OSBPL8: variants seen among roughly 807,000 people sequenced by gnomAD.
OSBPL8 encodes oxysterol binding protein like 8, also known as oxysterol-binding protein-related protein 8.
Under a neutral mutation model 125.5 loss-of-function variants are expected in OSBPL8, and 59 were observed. That is an observed-to-expected ratio of 0.47 (90% CI 0.38 to 0.58). The LOEUF (loss-of-function observed/expected upper bound fraction) is 0.58, where lower values mean the gene tolerates loss of function less well. OSBPL8 is among the 20% of genes least tolerant of loss of function. The pLI, the probability that OSBPL8 is intolerant of heterozygous loss-of-function variation, is 0.00. For missense variants in OSBPL8, 758 were observed against 1,047.8 expected, an observed-to-expected ratio of 0.72 and a Z score of 3.82; for synonymous variants, 330 against 338.9, an observed-to-expected ratio of 0.97 and a Z score of 0.29.
chr12:76,508,897 G>T (rs1206053905), intron 1 of OSBPL8, among the ~76,000 whole-genome samples: 1 of 152,170 alleles, frequency 6.6e-6, no homozygotes, highest in Non-Finnish European at 1.5e-5. Context: ...ATATAATCAA[G>T]AAGTAACAAT....
At chr12:76,512,431 T>C (rs73385534) in intron 1 of OSBPL8, among the ~76,000 whole-genome samples, 26,791 of 152,210 alleles carry the variant, frequency 0.18, 2,516 homozygotes, top group Middle Eastern at 0.24. Flanking sequence ...GCACAATTTA[T>C]TGAATATAAA....
chr12:76,397,170 GCC>G (rs1324638875), intron 8 of OSBPL8, among the ~76,000 whole-genome samples: 1 of 146,268 alleles, frequency 6.8e-6, no homozygotes, highest in South Asian at 2.2e-4. Flanking sequence ...AAAGAAACCT[GCC>G]TCTTTCTCAA....
intron 4 of OSBPL8, among the ~76,000 whole-genome samples, chr12:76,449,692 T>G (rs987721740): frequency 6.6e-6 from 1 of 152,202 alleles, no homozygotes; most frequent in Non-Finnish European, 1.5e-5. Context: ...GAAGCATACA[T>G]AAAGCCCTTC....
chr12:76,394,582 G>A (rs1185483066), intron 9 of OSBPL8, 63 bp downstream of exon 9: 3 of 1,108,114 alleles, frequency 2.7e-6, no homozygotes, highest in East Asian at 2.4e-5. Context: ...ATAATACAAA[G>A]TGGCATTAAA....
intron 2 of OSBPL8, among the ~76,000 whole-genome samples, chr12:76,470,358 G>A (rs1420340162): frequency 6.6e-6 from 1 of 152,166 alleles, no homozygotes; most frequent in Non-Finnish European, 1.5e-5. Context: ...AAAAGGTTAT[G>A]AAATAGCACA....
intron 1 of OSBPL8, among the ~76,000 whole-genome samples, chr12:76,557,792 A>G (rs1270607380): frequency 6.6e-6 from 1 of 152,194 alleles, no homozygotes; most frequent in Non-Finnish European, 1.5e-5. Context: ...TGACAAATGT[A>G]TAAGTACCCT....
At chr12:76,427,358 T>C (rs945599864) in intron 4 of OSBPL8, among the ~76,000 whole-genome samples, 26 of 151,980 alleles carry the variant, frequency 1.7e-4, no homozygotes, top group African/African-American at 6.0e-4. Context: ...TGTATATGTG[T>C]ATTGTTTTGA....
intron 22 of OSBPL8, among the ~76,000 whole-genome samples, chr12:76,357,545 A>AAC (rs1354420171): frequency 1.3e-5 from 2 of 152,186 alleles, no homozygotes; most frequent in Non-Finnish European, 2.9e-5. Flanking sequence ...ACTCTCTTCT[A>AAC]ACACACTGGT....
At chr12:76,361,981 T>C (rs548577958) in intron 21 of OSBPL8, among the ~76,000 whole-genome samples, 20 of 152,346 alleles carry the variant, frequency 1.3e-4, no homozygotes, top group South Asian at 4.1e-4. Context: ...TTGTTCAGCA[T>C]TGTAACAAGA....
At chr12:76,472,356 T>C (rs1258821095) in intron 2 of OSBPL8, among the ~76,000 whole-genome samples, 1 of 152,244 alleles carries the variant, frequency 6.6e-6, no homozygotes, top group Admixed American at 6.5e-5. Flanking sequence ...TTTTCTATTC[T>C]GCTACCACTA....
chr12:76,548,441 T>C (rs955786731), intron 1 of OSBPL8, among the ~76,000 whole-genome samples: 1 of 152,136 alleles, frequency 6.6e-6, no homozygotes, highest in Non-Finnish European at 1.5e-5. Context: ...AACTGAGTAT[T>C]ACTTGACTAA....
chr12:76,418,591 G>A (rs1456572997), intron 4 of OSBPL8, among the ~76,000 whole-genome samples: 1 of 152,122 alleles, frequency 6.6e-6, no homozygotes, highest in African/African-American at 2.4e-5. Context: ...AGCGCTTCGG[G>A]AGGCTGAAGT....
In OSBPL8 at chr12:76,386,168, C is replaced by G; in HGVS notation, c.1533G>C (p.Gln511His). ...TNSKTFYIAE[Q>H]VSHHPPISAF... ...GTTTCCATACATGCATTTCTAATACCTGTTCAGCAATATAAAAAGTTTTGC... is the reference window on the plus strand; with the variant it reads ...GTTTCCATACATGCATTTCTAATACGTGTTCAGCAATATAAAAAGTTTTGC... Residue 511 changes from glutamine (Q) to histidine (H), a missense_variant and splice_region_variant, in exon 14 of 24, where the codon CAG (glutamine) becomes CAC (histidine). Physicochemically the swap from Gln to His is conservative, Grantham distance 24. This residue lies in a region of OSBPL8 where 572 missense variants were observed against 762.0 expected (regional missense o/e 0.75). Transcript: ENST00000261183. 6.2e-7 allele frequency: 1 copy of G among 1,604,574 alleles called. No individual in the cohort carries two copies. Among genetic ancestry groups the G allele is most frequent in the Non-Finnish European group, 8.5e-7 (1 of 1,177,040 alleles).
intron 11 of OSBPL8, 146 bp downstream of exon 11, chr12:76,390,274 T>G (rs1213986250): frequency 3.3e-6 from 2 of 609,062 alleles, no homozygotes; most frequent in Admixed American, 6.1e-5. Flanking sequence ...TAAATCCCAA[T>G]ATATTTCATA....
chr12:76,433,974 CAAAA>C (rs34241447), intron 4 of OSBPL8, among the ~76,000 whole-genome samples: 187 of 82,126 alleles, frequency 2.3e-3, no homozygotes, highest in East Asian at 0.013. Flanking sequence ...GACTCCATCT[CAAAA>C]AAAAAAAAAA....
At chr12:76,511,526 C>G (rs1471772638) in intron 1 of OSBPL8, among the ~76,000 whole-genome samples, 1 of 152,164 alleles carries the variant, frequency 6.6e-6, no homozygotes, top group Non-Finnish European at 1.5e-5. Flanking sequence ...GGTATGTCTT[C>G]TTTCGAAAAG....
At chr12:76,380,154 A>G (rs1396708369) in intron 15 of OSBPL8, among the ~76,000 whole-genome samples, 5 of 152,180 alleles carry the variant, frequency 3.3e-5, no homozygotes, top group African/African-American at 1.2e-4. Flanking sequence ...CAACTTGCCA[A>G]TATCTTCAAA....
chr12:76,406,622 T>A (rs1168921023), intron 5 of OSBPL8, among the ~76,000 whole-genome samples: 2 of 152,174 alleles, frequency 1.3e-5, no homozygotes, highest in East Asian at 3.8e-4. Flanking sequence ...AAAGAGGAAC[T>A]GCCTTATTTT....
intron 5 of OSBPL8, among the ~76,000 whole-genome samples, chr12:76,410,210 T>C (rs1954454862): frequency 6.6e-6 from 1 of 152,330 alleles, no homozygotes; most frequent in Admixed American, 6.5e-5. Flanking sequence ...TGTATTTTGA[T>C]TGTCATCTGA....
Sources: allele counts gnomAD v4.1 joint callset (sites outside exome capture counted in the v4.1 genomes callset), GRCh38; gene constraint gnomAD v4.1.1; regional missense constraint gnomAD v4.1.1; transcripts MANE v1.5; gene names NCBI Gene and HGNC (gene_info 2026-07-23, HGNC 2026-07-21).